The following GALNT18 variants were observed in gnomAD, a reference collection of about 807,000 sequenced individuals.
GALNT18 encodes the protein GalNAc-transferase 18.
A neutral mutation model predicts 69.5 loss-of-function variants in GALNT18; 44 were observed. The ratio of observed to expected loss-of-function variants is 0.63; its 90% CI spans 0.50 to 0.81. The LOEUF is 0.81. Among genes scored for constraint, GALNT18 ranks in the 40% least tolerant of loss-of-function variants. GALNT18 has a pLI of 0.00. For synonymous variants in GALNT18, 364 were observed against 318.2 expected, an observed-to-expected ratio of 1.14 and a Z score of -1.53; for missense variants, 715 against 810.0, an observed-to-expected ratio of 0.88 and a Z score of 1.42.
intron 8 of GALNT18, among the ~76,000 whole-genome samples, chr11:11,327,640 C>G (rs968046479): frequency 6.6e-6 from 1 of 152,198 alleles, no homozygotes; most frequent in East Asian, 1.9e-4. Context: ...GCTTGGCCAG[C>G]CCCTTGGTGG....
At position 11,470,221 on chromosome 11, in the gene GALNT18, C is replaced by A. The variant is rs1294484133; in HGVS notation, c.236-21285G>T. ...TTCATTGTGTCACTAAGGGCAGAGACCCTGTACCACCAGGTTCAAGGCCAG... is the reference window on the plus strand; with the variant it reads ...TTCATTGTGTCACTAAGGGCAGAGAACCTGTACCACCAGGTTCAAGGCCAG... On this transcript the variant is annotated intron_variant, in intron 1 of 10. Coordinates refer to ENST00000227756, the MANE Select transcript of GALNT18 (RefSeq NM_198516.3). This position sits in a 1 kb window ranked among gnomAD's most constrained non-coding sequence, Gnocchi z 4.8. Among the ~76,000 whole-genome samples, 4 of 152,194 alleles carry A rather than the reference C, an allele frequency of 2.6e-5. No individual in the cohort carries two copies. The highest frequency in any genetic ancestry group is 2.9e-5 in the Non-Finnish European group (2 of 68,038).
chr11:11,289,862 T>G (rs908477558), intron 10 of GALNT18, among the ~76,000 whole-genome samples: 1 of 152,152 alleles, frequency 6.6e-6, no homozygotes, highest in African/African-American at 2.4e-5. Context: ...CAATGTCTCA[T>G]ATTGGAGGTG....
chr11:11,278,116 C>A (rs1589998947), intron 10 of GALNT18, among the ~76,000 whole-genome samples: 1 of 151,826 alleles, frequency 6.6e-6, no homozygotes, highest in Non-Finnish European at 1.5e-5. Context: ...AAGTCTCCCA[C>A]TATTATTGTG....
chr11:11,525,721 A>G (rs1421605187), intron 1 of GALNT18, among the ~76,000 whole-genome samples: 6 of 139,484 alleles, frequency 4.3e-5, no homozygotes, highest in Non-Finnish European at 9.1e-5. Context: ...CACAACCTCC[A>G]CCTGCTGGGT....
intron 10 of GALNT18, among the ~76,000 whole-genome samples, chr11:11,276,130 C>A (rs1848941241): frequency 6.6e-6 from 1 of 152,146 alleles, no homozygotes. Context: ...GGCAGTATGG[C>A]CATTTTCATG....
At chr11:11,391,816 C>G (rs1000736062) in intron 3 of GALNT18, among the ~76,000 whole-genome samples, 4 of 152,204 alleles carry the variant, frequency 2.6e-5, no homozygotes, top group Non-Finnish European at 5.9e-5. Flanking sequence ...TTGAAGAAAG[C>G]CCCCAGATAA....
intron 6 of GALNT18, among the ~76,000 whole-genome samples, chr11:11,361,226 G>C (rs1441692403): frequency 1.3e-5 from 2 of 152,206 alleles, no homozygotes; most frequent in Non-Finnish European, 2.9e-5. Context: ...TCTTACTGAA[G>C]ACCACAACGC....
chr11:11,427,683 G>C (rs993257599), intron 3 of GALNT18, among the ~76,000 whole-genome samples: 3 of 152,122 alleles, frequency 2.0e-5, no homozygotes, highest in Non-Finnish European at 4.4e-5. Context: ...TGGAAAAGCT[G>C]GCCGAATGCC....
rs1590147113 is a variant in GALNT18 at position 11,621,288 on chromosome 11, C to G, written c.235+71G>C. 1 of 1,321,044 alleles carries G rather than the reference C, an allele frequency of 7.6e-7. No individual in the cohort carries two copies. The highest frequency in any genetic ancestry group is 1.3e-5 in the South Asian group (1 of 79,182). 81.8% of individuals were successfully genotyped at this position (1,321,044 alleles called of 1,614,324 possible). A position where few individuals can be genotyped will look rare whatever the true frequency, so the allele number is the denominator to read the frequency against. On this transcript the variant is annotated intron_variant, in intron 1 of 10. Transcript: ENST00000227756. The surrounding 1 kb of genome is among the most constrained non-coding windows in gnomAD (Gnocchi z 9.3). Reference sequence around the variant, plus strand: ...GTGGCTGAGTTGATGCGCACCAGCCCCAGCGCACCCCGCGCCGCGCGGGGC... The same window carrying G: ...GTGGCTGAGTTGATGCGCACCAGCCGCAGCGCACCCCGCGCCGCGCGGGGC...
chr11:11,523,225 G>A lies in GALNT18; in HGVS notation c.236-74289C>T, dbSNP rs1857439693. On this transcript the variant is annotated intron_variant, in intron 1 of 10. Coordinates refer to ENST00000227756, the MANE Select transcript of GALNT18 (RefSeq NM_198516.3). The surrounding 1 kb of genome is among the most constrained non-coding windows in gnomAD (Gnocchi z 4.3). ...GAAAGTCATTTCACTTTCTTTCAAA[G>A]AACTGCAATCAGAATAGGTCCTGCA... Among the ~76,000 whole-genome samples the A allele has an allele frequency of 6.6e-6, 1 of 152,156 alleles. No homozygotes were observed. The highest frequency in any genetic ancestry group is 1.5e-5 in the Non-Finnish European group (1 of 68,028).
intron 1 of GALNT18, among the ~76,000 whole-genome samples, chr11:11,507,387 A>C (rs913457678): frequency 6.6e-6 from 1 of 152,178 alleles, no homozygotes; most frequent in African/African-American, 2.4e-5. Context: ...TCAGTCTCCC[A>C]AACACAAGCC....
At chr11:11,374,261 A>G (rs571057881) in intron 5 of GALNT18, among the ~76,000 whole-genome samples, 1 of 152,312 alleles carries the variant, frequency 6.6e-6, no homozygotes, top group East Asian at 1.9e-4. Flanking sequence ...CTCTAAGAGA[A>G]GTTCCCTAGC....
chr11:11,438,050 C>CAT (rs1340260047), intron 2 of GALNT18, among the ~76,000 whole-genome samples: 1 of 152,208 alleles, frequency 6.6e-6, no homozygotes, highest in East Asian at 1.9e-4. Flanking sequence ...CCCCCTGGGA[C>CAT]ATACACCCAG....
At chr11:11,381,776 C>T (rs1322463215) in intron 3 of GALNT18, among the ~76,000 whole-genome samples, 4 of 152,182 alleles carry the variant, frequency 2.6e-5, no homozygotes, top group Non-Finnish European at 5.9e-5. Flanking sequence ...GGGCCACCAG[C>T]TGATTGCAAA....
At chr11:11,476,575 G>A (rs1415687897) in intron 1 of GALNT18, 1 of 152,216 alleles carries the variant, frequency 6.6e-6, no homozygotes, top group African/African-American at 2.4e-5. Flanking sequence ...CAGCTCCGGT[G>A]ACAAGGATGA....
intron 1 of GALNT18, among the ~76,000 whole-genome samples, chr11:11,535,373 T>C (rs762158828): frequency 1.8e-4 from 28 of 152,240 alleles, no homozygotes; most frequent in Non-Finnish European, 3.4e-4. Context: ...AACATGGTGA[T>C]AACATTTTCT....
rs1857979293 is a variant in GALNT18 at position 11,543,751 on chromosome 11, A to G, written c.235+77608T>C. The stretch of plus-strand genomic sequence containing the variant: ...GGGCCAGCTGAGATCACTGACTCCT[A>G]CATCCCATGGCTCTGTGATGTGACT... On this transcript the variant is annotated intron_variant, in intron 1 of 10. Transcript: ENST00000227756. This position sits in a 1 kb window ranked among gnomAD's most constrained non-coding sequence, Gnocchi z 5.1. Among the ~76,000 whole-genome samples the G allele has an allele frequency of 6.6e-6, 1 of 152,188 alleles. No individual in the cohort carries two copies. The highest frequency in any genetic ancestry group is 1.5e-5 in the Non-Finnish European group (1 of 68,032).
chr11:11,472,566 C>T (rs1008059918), intron 1 of GALNT18, among the ~76,000 whole-genome samples: 20 of 138,518 alleles, frequency 1.4e-4, no homozygotes, highest in African/African-American at 5.4e-4. Flanking sequence ...CTTATTGAGC[C>T]CCTTCTGAAT....
intron 6 of GALNT18, among the ~76,000 whole-genome samples, chr11:11,359,440 T>G (rs969960539): frequency 6.6e-6 from 1 of 151,194 alleles, no homozygotes; most frequent in South Asian, 2.1e-4. Context: ...TAGGGACCCT[T>G]CCTTGCTTTC....
Sources: gnomAD v4.1 joint callset for allele counts (sites outside exome capture counted in the v4.1 genomes callset) on GRCh38, gnomAD v4.1.1 for gene constraint, Gnocchi (gnomAD v3.1) non-coding constraint, MANE v1.5 for transcripts, NCBI Gene and HGNC (gene_info 2026-07-23, HGNC 2026-07-21) for gene names.